The following ANO6 variants were observed in gnomAD, a reference collection of about 807,000 sequenced individuals.
The protein encoded by ANO6 is anoctamin 6.
In ANO6, 106 loss-of-function variants were observed where a neutral mutation model predicts 117.5. The ratio of observed to expected loss-of-function variants is 0.90; its 90% CI spans 0.77 to 1.06. The LOEUF (loss-of-function observed/expected upper bound fraction) is 1.06, where lower values mean the gene tolerates loss of function less well. Ranked by LOEUF, ANO6 falls within the 50% of genes least tolerant of loss-of-function variation. The pLI is 0.00. For missense variants in ANO6, 955 were observed against 1,121.1 expected (o/e 0.85, Z 2.12); for synonymous variants, 367 against 385.1 (o/e 0.95, Z 0.55).
intron 15 of ANO6, among the ~76,000 whole-genome samples, chr12:45,408,075 C>T (rs1418101973): frequency 6.6e-6 from 1 of 152,162 alleles, no homozygotes; most frequent in East Asian, 1.9e-4. Flanking sequence ...CAGTGGGAAA[C>T]CCAGCAGAGT....
chr12:45,224,226 C>A (rs1947447476), intron 1 of ANO6, among the ~76,000 whole-genome samples: 1 of 152,132 alleles, frequency 6.6e-6, no homozygotes, highest in South Asian at 2.1e-4. Flanking sequence ...AGCACCTGAG[C>A]CAGCCCTGTT....
At chr12:45,274,957 T>C (rs1427608184) in intron 1 of ANO6, among the ~76,000 whole-genome samples, 1 of 151,438 alleles carries the variant, frequency 6.6e-6, no homozygotes, top group African/African-American at 2.4e-5. Context: ...CCTCTTAACC[T>C]GCTTTGTCTT....
downstream of ANO6, among the ~76,000 whole-genome samples, chr12:45,435,704 A>C (rs1943699599): frequency 1.5e-5 from 1 of 65,268 alleles, no homozygotes; most frequent in Non-Finnish European, 4.4e-5. Flanking sequence ...AGTACAACAC[A>C]AACTCACTGA....
In ANO6 at chr12:45,420,991, C is replaced by G. The variant is rs115969223; in HGVS notation, c.2218-80C>G. 1.2e-3 allele frequency: 1,742 copies of G among 1,479,318 alleles called. 16 individuals carry two copies. In the African/African-American group the frequency reaches 0.02, roughly 17 times the overall value. 91.6% of individuals were successfully genotyped at this position (1,479,318 alleles called of 1,614,324 possible). On this transcript the variant is annotated intron_variant, in intron 17 of 19. Transcript: ENST00000320560. ...AGTGAGCCGAGATCGTGCCATGCAG[C>G]CTGGGCAGCAAGAGCGAGACTCCGT...
rs3803179 is a variant in ANO6 at position 45,430,775 on chromosome 12, T to A, written c.*1464T>A. Reference sequence around the variant, plus strand: ...TAGCAGTCTACTTCACTTTATTGCCTTGTAAGTGTCAGGCCTCCTGGGCGC... The same window carrying A: ...TAGCAGTCTACTTCACTTTATTGCCATGTAAGTGTCAGGCCTCCTGGGCGC... On this transcript the variant is annotated 3_prime_UTR_variant, in exon 20 of 20. Transcript: ENST00000320560. 2.0e-6 allele frequency: 2 copies of A among 985,272 alleles called. No homozygotes were observed. Among genetic ancestry groups the A allele is most frequent in the Admixed American group, 6.2e-5 (1 of 16,242 alleles). The allele number at this position is 985,272 out of a possible 1,614,324, so 61.0% of individuals were successfully genotyped here.
intron 17 of ANO6, among the ~76,000 whole-genome samples, chr12:45,418,633 A>T (rs1943274589): frequency 6.6e-6 from 1 of 152,186 alleles, no homozygotes; most frequent in African/African-American, 2.4e-5. Context: ...TTCCTCAAGC[A>T]TTCTAGATTG....
chr12:45,354,329 A>C (rs1471405481), intron 7 of ANO6, among the ~76,000 whole-genome samples: 1 of 152,254 alleles, frequency 6.6e-6, no homozygotes, highest in Non-Finnish European at 1.5e-5. Context: ...CAGTAACTTC[A>C]CATGTCTAAG....
chr12:45,312,185 A>T (rs1202453152), intron 2 of ANO6, among the ~76,000 whole-genome samples: 1 of 152,078 alleles, frequency 6.6e-6, no homozygotes. Context: ...CATTCTGAAC[A>T]AAGATGTGAT....
intron 7 of ANO6, among the ~76,000 whole-genome samples, chr12:45,353,379 G>C (rs1228261747): frequency 6.6e-6 from 1 of 152,102 alleles, no homozygotes; most frequent in African/African-American, 2.4e-5. Flanking sequence ...TTCATGTGAA[G>C]TTTCCATTTT....
chr12:45,347,079 A>G lies in ANO6; in HGVS notation c.337A>G (p.Thr113Ala). 1 of 1,614,054 alleles carries G rather than the reference A, an allele frequency of 6.2e-7. No individual in the cohort carries two copies. Among genetic ancestry groups the G allele is most frequent in the South Asian group, 1.1e-5 (1 of 91,086 alleles). The change falls in exon 4 of 20, where the codon ACA (threonine) becomes GCA (alanine). Residue 113 changes from threonine (T) to alanine (A), a missense_variant. Thr to Ala is a moderately conservative substitution (Grantham distance 58). Coordinates refer to ENST00000320560, the MANE Select transcript of ANO6 (RefSeq NM_001025356.3). ...CTGTCATGGCCTGCAGTTAGAAGCA[A>G]CAAGATCAGTAAGTACTGGTCCCTT... is the stretch of plus-strand genomic sequence containing the variant. The part of the protein sequence containing the change: ...LICHGLQLEA[T>A]RSVLDDKLVF...
chr12:45,373,478 G>A (rs140179795), intron 9 of ANO6, among the ~76,000 whole-genome samples: 5,002 of 152,096 alleles, frequency 0.033, 247 homozygotes, highest in African/African-American at 0.11. Flanking sequence ...TCTCCTCAGC[G>A]AATGTAAAAG....
At chr12:45,309,412 T>C (rs1440316665) in intron 2 of ANO6, among the ~76,000 whole-genome samples, 1 of 152,116 alleles carries the variant, frequency 6.6e-6, no homozygotes, top group Non-Finnish European at 1.5e-5. Flanking sequence ...TGAGGAGTAA[T>C]GGTCTGGAAG....
intron 1 of ANO6, among the ~76,000 whole-genome samples, chr12:45,276,297 C>T (rs1224246754): frequency 1.2e-4 from 18 of 152,294 alleles, no homozygotes; most frequent in Non-Finnish European, 5.9e-5. Flanking sequence ...CTGGGTCTGT[C>T]GTTTCCACTC....
chr12:45,388,420 C>G (rs2137576218), intron 11 of ANO6, 117 bp downstream of exon 11: 2 of 1,285,752 alleles, frequency 1.6e-6, no homozygotes, highest in East Asian at 4.9e-5. Flanking sequence ...TGAGTTCCAT[C>G]ACTACATACT....
At chr12:45,326,081 T>C (rs1019063139) in intron 2 of ANO6, among the ~76,000 whole-genome samples, 2 of 152,188 alleles carry the variant, frequency 1.3e-5, no homozygotes, top group African/African-American at 4.8e-5. Flanking sequence ...TTAATACTCA[T>C]TATGCTCAAG....
chr12:45,433,652 C>A (rs975889409), downstream of ANO6, among the ~76,000 whole-genome samples: 3 of 152,044 alleles, frequency 2.0e-5, no homozygotes, highest in Non-Finnish European at 4.4e-5. Context: ...TCTGCCTTCT[C>A]TCCTAAGCTC....
chr12:45,417,700 C>T (rs1468551104), intron 17 of ANO6, among the ~76,000 whole-genome samples: 1 of 152,184 alleles, frequency 6.6e-6, no homozygotes, highest in East Asian at 1.9e-4. Context: ...CCATTTCCTC[C>T]CATATTTCAC....
chr12:45,223,857 A>G (rs1222122945), intron 1 of ANO6, among the ~76,000 whole-genome samples: 1 of 152,144 alleles, frequency 6.6e-6, no homozygotes, highest in East Asian at 1.9e-4. Flanking sequence ...CCCTCATGGC[A>G]CCTTGGTAGG....
chr12:45,265,424 A>G (rs1938182968), intron 1 of ANO6, among the ~76,000 whole-genome samples: 1 of 151,934 alleles, frequency 6.6e-6, no homozygotes, highest in Non-Finnish European at 1.5e-5. Context: ...GTTCTTGCTC[A>G]TTTTCTTCTA....
Sources: allele counts gnomAD v4.1 joint callset (sites outside exome capture counted in the v4.1 genomes callset), GRCh38; gene constraint gnomAD v4.1.1; transcripts MANE v1.5; gene names NCBI Gene and HGNC (gene_info 2026-07-23, HGNC 2026-07-21).